NBPF11: variants seen among roughly 807,000 people sequenced by gnomAD.
The protein encoded by NBPF11 is NBPF family member NBPF11.
Under a neutral mutation model 93.9 loss-of-function variants are expected in NBPF11, and 72 were observed. The ratio of observed to expected loss-of-function variants is 0.77; its 90% CI spans 0.63 to 0.93. The LOEUF is 0.93. Among genes scored for constraint, NBPF11 ranks in the 40% least tolerant of loss-of-function variants. The probability of loss-of-function intolerance (pLI) is 0.00; values close to 1 mark genes in which losing one functional copy is unlikely to be tolerated. For missense variants in NBPF11, 705 were observed against 802.2 expected, an observed-to-expected ratio of 0.88 and a Z score of 1.46; for synonymous variants, 224 against 304.9, an observed-to-expected ratio of 0.73 and a Z score of 2.76.
rs1305624608 is a variant in NBPF11, at chr1:148,146,679, C to G, written c.-548-2993G>C. The G allele has an allele frequency of 1.9e-6, 3 of 1,611,710 alleles. No individual in the cohort carries two copies. In the African/African-American group the frequency reaches 4.0e-5, roughly 22 times the overall value. On this transcript the variant is annotated intron_variant, in intron 1 of 23. Transcript: ENST00000682118. ...AGGTCTTCCCCACCAAGAGCGCCCGCGGCAACCGTGTCTCCTGCATGTATG... is the reference window on the plus strand; with the variant it reads ...AGGTCTTCCCCACCAAGAGCGCCCGGGGCAACCGTGTCTCCTGCATGTATG...
At chr1:148,125,614 T>G (rs1668932801) in intron 5 of NBPF11, among the ~76,000 whole-genome samples, 1 of 152,064 alleles carries the variant, frequency 6.6e-6, no homozygotes, top group Non-Finnish European at 1.5e-5. Context: ...TTGTGTTAAT[T>G]TAGAAACAGC....
chr1:148,118,807 T>A, intron 10 of NBPF11, 85 bp from the exon 11 acceptor site: 1 of 1,009,920 alleles, frequency 9.9e-7, no homozygotes, highest in Non-Finnish European at 1.6e-6. Flanking sequence ...GCCAGGTCCA[T>A]CCCAAGGACA....
At chr1:148,120,293 AC>A (rs1667526218) in intron 10 of NBPF11, among the ~76,000 whole-genome samples, 4 of 151,334 alleles carry the variant, frequency 2.6e-5, no homozygotes, top group South Asian at 2.1e-4. Context: ...CTCTAGTCCC[AC>A]CCCCACCTGA....
At chr1:148,146,396 T>C (rs1159446031) in intron 1 of NBPF11, 9 of 1,597,032 alleles carry the variant, frequency 5.6e-6, no homozygotes, top group South Asian at 2.2e-5. Flanking sequence ...GCGCCCGCCA[T>C]GAACGGGCTG....
Position 148,126,880 on chromosome 1 carries a change from ATC to A in NBPF11, c.122_123del (p.Arg41MetfsTer20), listed in dbSNP as rs1229366144. On this transcript the variant is annotated frameshift_variant, in exon 5 of 24. Coordinates refer to ENST00000682118, the MANE Select transcript of NBPF11 (RefSeq NM_001385469.3). LOFTEE classifies it high-confidence loss of function. ...NKQQFRNLKERCFLTQLAGFL... is the reference protein window; with the variant it reads ...NKQQFRNLKEXCFLTQLAGFL... Reference sequence around the variant, plus strand: ...AAGCCGGCCAGTTGAGTTAGAAAACATCTCTCTTTGAGGTTTCTGAACTGCTG... The same window carrying A: ...AAGCCGGCCAGTTGAGTTAGAAAACATCTCTTTGAGGTTTCTGAACTGCTG... 28 of 1,465,036 alleles carry A rather than the reference ATC, an allele frequency of 1.9e-5. 1 individual carries two copies. Among genetic ancestry groups the A allele is most frequent in the African/African-American group, 5.7e-5 (4 of 70,068 alleles). 90.8% of individuals were successfully genotyped at this position (1,465,036 alleles called of 1,614,324 possible).
Position 148,152,050 on chromosome 1 carries a change from T to C in NBPF11, c.-849A>G, listed in dbSNP as rs1336416341. The stretch of plus-strand genomic sequence containing the variant: ...CAGCTGGGCCTTAAAGGGACCCGGC[T>C]GCCTCTACCGCACAGCGGGTTCGGG... On this transcript the variant is annotated 5_prime_UTR_variant, in exon 1 of 24. Coordinates refer to ENST00000682118, the MANE Select transcript of NBPF11 (RefSeq NM_001385469.3). 11 of 152,096 alleles carry C rather than the reference T, an allele frequency of 7.2e-5. No individual in the cohort carries two copies. Among genetic ancestry groups the C allele is most frequent in the African/African-American group, 2.7e-4 (11 of 41,316 alleles). The allele number at this position is 152,096 out of a possible 1,614,324, so 9.4% of individuals were successfully genotyped here. A position where few individuals can be genotyped will look rare whatever the true frequency, so the allele number is the denominator to read the frequency against.
At chr1:148,107,489 A>G (rs2149174967) in intron 19 of NBPF11, among the ~76,000 whole-genome samples, 1 of 152,046 alleles carries the variant, frequency 6.6e-6, no homozygotes, top group East Asian at 1.9e-4. Flanking sequence ...CAGTTGCCAT[A>G]CGGCCTTTGA....
In NBPF11 at chr1:148,146,635, C is replaced by G. The variant is rs1348057475; in HGVS notation, c.-548-2949G>C. 9.3e-6 allele frequency: 15 copies of G among 1,611,330 alleles called. No homozygotes were observed. In the East Asian group the frequency reaches 1.1e-4, roughly 12 times the overall value. On this transcript the variant is annotated intron_variant, in intron 1 of 23. Coordinates refer to ENST00000682118, the MANE Select transcript of NBPF11 (RefSeq NM_001385469.3). ...GCGTGCCGACTTCCAGTACAGCCAGCGCGAGCTGGACACCATCGAGGTCTT... is the reference window on the plus strand; with the variant it reads ...GCGTGCCGACTTCCAGTACAGCCAGGGCGAGCTGGACACCATCGAGGTCTT...
At chr1:148,123,705 C>G in intron 7 of NBPF11, 148 bp downstream of exon 7, 1 of 1,502,904 alleles carries the variant, frequency 6.7e-7, no homozygotes, top group South Asian at 1.1e-5. Context: ...CATTTCTGTT[C>G]TTACTCAGGA....
intron 4 of NBPF11, among the ~76,000 whole-genome samples, chr1:148,129,166 TAC>T (rs1299606351): frequency 3.6e-5 from 5 of 138,136 alleles, no homozygotes; most frequent in Non-Finnish European, 7.8e-5. Flanking sequence ...TATATATATA[TAC>T]ACATATATAC....
At chr1:148,146,864 C>T in intron 1 of NBPF11, 1 of 1,613,770 alleles carries the variant, frequency 6.2e-7, no homozygotes, top group Non-Finnish European at 8.5e-7. Flanking sequence ...TCGGGCAGGC[C>T]TTCCGAGAGG....
At chr1:148,136,421 G>T (rs1304070351) in intron 3 of NBPF11, among the ~76,000 whole-genome samples, 3 of 151,504 alleles carry the variant, frequency 2.0e-5, no homozygotes, top group East Asian at 3.9e-4. Flanking sequence ...TTCATTCCAT[G>T]GAATGGCTAA....
At chr1:148,122,670 C>T (rs1668145089) in intron 8 of NBPF11, 59 bp downstream of exon 8, 2 of 1,598,714 alleles carry the variant, frequency 1.3e-6, no homozygotes, top group East Asian at 2.2e-5. Flanking sequence ...AGAGGGCGTG[C>T]CTCCTAGACA....
At chr1:148,119,871 G>A (rs1290581975) in intron 10 of NBPF11, among the ~76,000 whole-genome samples, 1 of 152,020 alleles carries the variant, frequency 6.6e-6, no homozygotes, top group African/African-American at 2.4e-5. Flanking sequence ...GCCCAGGCTG[G>A]TCTCAAACTC....
At chr1:148,149,121 G>A (rs1191530221) in intron 1 of NBPF11, 21 of 1,569,950 alleles carry the variant, frequency 1.3e-5, no homozygotes, top group Middle Eastern at 2.3e-4. Flanking sequence ...GGGTGCGCGC[G>A]CGTTGGAGGC....
chr1:148,119,963 T>C (rs1300328397), intron 10 of NBPF11, among the ~76,000 whole-genome samples: 3 of 130,424 alleles, frequency 2.3e-5, no homozygotes, highest in Admixed American at 9.0e-5. Context: ...CCCTACTCCC[T>C]GCTCTTGATG....
At chr1:148,113,309 G>A (rs11239900) in intron 15 of NBPF11, among the ~76,000 whole-genome samples, 1 of 151,634 alleles carries the variant, frequency 6.6e-6, no homozygotes, top group Non-Finnish European at 1.5e-5. Flanking sequence ...AAAAACGCAG[G>A]GGTTGCAATC....
chr1:148,122,147 A>T lies in NBPF11; in HGVS notation c.686T>A (p.Ile229Asn). The change falls in exon 9 of 24, where the codon ATC becomes AAC. Residue 229 changes from isoleucine (I) to asparagine (N), a missense_variant. Coordinates refer to ENST00000682118, the MANE Select transcript of NBPF11 (RefSeq NM_001385469.3). ...GTTGACTTTGTCTTCCTCAAATGTG[A>T]TTTTGATGTTCTTGTGAGGCTGGAT... ...DSIQPHKNIK[I>N]TFEEDKVNSS... 3.7e-6 allele frequency: 6 copies of T among 1,613,214 alleles called. No homozygotes were observed. The highest frequency in any genetic ancestry group is 5.1e-6 in the Non-Finnish European group (6 of 1,179,546).
intron 15 of NBPF11, among the ~76,000 whole-genome samples, chr1:148,112,065 C>A (rs1271672695): frequency 7.1e-6 from 1 of 141,668 alleles, no homozygotes; most frequent in Non-Finnish European, 1.5e-5. Flanking sequence ...TGGCACAAAC[C>A]CTACAAGCCA....
Sources: gnomAD v4.1 joint callset for allele counts (sites outside exome capture counted in the v4.1 genomes callset) on GRCh38, gnomAD v4.1.1 for gene constraint, MANE v1.5 for transcripts, NCBI Gene and HGNC (gene_info 2026-07-23, HGNC 2026-07-21) for gene names.